FAM220A: variants seen among roughly 807,000 people sequenced by gnomAD.
The protein encoded by FAM220A is protein FAM220A.
For missense variants in FAM220A, 392 were observed against 321.6 expected (o/e 1.22, Z -1.68); for synonymous variants, 141 against 130.7 (o/e 1.08, Z -0.54).
rs917183822 is a variant in FAM220A at position 6,348,849 on chromosome 7, CGAA to C, written c.-361_-359del. On this transcript the variant is annotated 5_prime_UTR_variant, in exon 1 of 2. Transcript: ENST00000313324. ...ACCCTCGCCTGGCGTGCTCAGGGAGCGAAGGAGGCGGCGGCTAGACCGGCGGGC... is the reference window on the plus strand; with the variant it reads ...ACCCTCGCCTGGCGTGCTCAGGGAGCGGAGGCGGCGGCTAGACCGGCGGGC... 1.6e-4 allele frequency: 62 copies of C among 391,466 alleles called. No homozygotes were observed. The Admixed American group carries it at 2.0e-3, about 13-fold the overall frequency. 24.2% of individuals were successfully genotyped at this position (391,466 alleles called of 1,614,324 possible). A position where few individuals can be genotyped will look rare whatever the true frequency, so the allele number is the denominator to read the frequency against.
intron 1 of FAM220A, among the ~76,000 whole-genome samples, chr7:6,346,916 A>C (rs2115152803): frequency 6.6e-6 from 1 of 152,296 alleles, no homozygotes; most frequent in Admixed American, 6.5e-5. Flanking sequence ...AACTCCCCAA[A>C]GGAGGGTCCC....
chr7:6,336,654 A>G (rs973716946), intron 1 of FAM220A, among the ~76,000 whole-genome samples: 7 of 151,332 alleles, frequency 4.6e-5, no homozygotes, highest in Admixed American at 6.6e-5. Context: ...ACTGTACTCC[A>G]GCCTGAGAGA....
In FAM220A at chr7:6,330,971, A is replaced by G; in HGVS notation, c.184T>C (p.Ser62Pro). The stretch of plus-strand genomic sequence containing the variant: ...CTCGGATCCTTTCTCATTTCCAGTG[A>G]TAATGCCTCACTTTGTGAATTTCCA... Reference protein sequence around the residue: ...VDGNSQSEALSLEMRKDPSGA... With the variant: ...VDGNSQSEALPLEMRKDPSGA... The change falls in exon 2 of 2, where the codon TCA (serine) becomes CCA (proline). Residue 62 changes from serine to proline, a missense_variant. By Grantham distance (74) the Ser-to-Pro change is moderately conservative (BLOSUM62 -1). Coordinates refer to ENST00000313324, the MANE Select transcript of FAM220A (RefSeq NM_001037163.2). The G allele has an allele frequency of 6.2e-7, 1 of 1,614,234 alleles. No individual in the cohort carries two copies. The highest frequency in any genetic ancestry group is 8.5e-7 in the Non-Finnish European group (1 of 1,180,050).
intron 1 of FAM220A, among the ~76,000 whole-genome samples, chr7:6,336,800 G>A (rs1018145074): frequency 2.6e-5 from 4 of 151,580 alleles, no homozygotes; most frequent in African/African-American, 9.7e-5. Flanking sequence ...AACCACAGGT[G>A]TGTGCCACCA....
intron 1 of FAM220A, among the ~76,000 whole-genome samples, chr7:6,331,675 C>T (rs529854734): frequency 2.0e-5 from 3 of 151,808 alleles, no homozygotes; most frequent in African/African-American, 4.8e-5. Context: ...CCACCACGCC[C>T]GGCCTAGTGG....
chr7:6,343,595 G>A (rs776255440), intron 1 of FAM220A, among the ~76,000 whole-genome samples: 7 of 151,606 alleles, frequency 4.6e-5, no homozygotes, highest in Non-Finnish European at 8.8e-5. Context: ...CCATTTAACT[G>A]CCTTGTATTT....
intron 1 of FAM220A, among the ~76,000 whole-genome samples, chr7:6,337,402 G>A (rs112746896): frequency 0.03 from 4,565 of 152,156 alleles, 100 homozygotes; most frequent in Middle Eastern, 0.044. Flanking sequence ...GATTACAGGC[G>A]TGAGCCACTG....
At chr7:6,334,398 T>A (rs1247192055) in intron 1 of FAM220A, among the ~76,000 whole-genome samples, 1 of 151,614 alleles carries the variant, frequency 6.6e-6, no homozygotes, top group Admixed American at 6.6e-5. Context: ...TAGCTGGGCA[T>A]GGTGGAGCAT....
Position 6,331,121 on chromosome 7 carries a change from G to C in FAM220A, c.34C>G (p.Leu12Val). 2 of 1,613,252 alleles carry C rather than the reference G, an allele frequency of 1.2e-6. No homozygotes were observed. Among genetic ancestry groups the C allele is most frequent in the Non-Finnish European group, 1.7e-6 (2 of 1,179,958 alleles). Residue 12 changes from leucine (L) to valine (V), a missense_variant, in exon 2 of 2, where the codon CTG becomes GTG. Coordinates refer to ENST00000313324, the MANE Select transcript of FAM220A (RefSeq NM_001037163.2). ...RDRRGPLGTC[L>V]AQVQQAGGGD... ...CCTCCGGCCTGCTGCACTTGTGCCAGGCAGGTGCCGAGGGGCCCTCTTCTG... is the reference window on the plus strand; with the variant it reads ...CCTCCGGCCTGCTGCACTTGTGCCACGCAGGTGCCGAGGGGCCCTCTTCTG...
intron 1 of FAM220A, among the ~76,000 whole-genome samples, chr7:6,337,369 G>A (rs930890419): frequency 9.9e-5 from 15 of 151,502 alleles, no homozygotes; most frequent in East Asian, 2.0e-4. Flanking sequence ...TGATCTACCC[G>A]CCTCAGCCTC....
At chr7:6,343,056 G>C (rs150149493) in intron 1 of FAM220A, among the ~76,000 whole-genome samples, 1 of 114,108 alleles carries the variant, frequency 8.8e-6, no homozygotes, top group Non-Finnish European at 1.8e-5. Flanking sequence ...AAAGAAAAAA[G>C]AAAGAAAGAA....
At position 6,330,911 on chromosome 7, in the gene FAM220A, C is replaced by G; in HGVS notation, c.244G>C (p.Val82Leu). 1 of 1,614,216 alleles carries G rather than the reference C, an allele frequency of 6.2e-7. No homozygotes were observed. The highest frequency in any genetic ancestry group is 8.5e-7 in the Non-Finnish European group (1 of 1,180,048). The change falls in exon 2 of 2, where the codon GTG becomes CTG. Residue 82 changes from valine to leucine, a missense_variant. Physicochemically the swap from Val to Leu is conservative, Grantham distance 32 (BLOSUM62 1). Coordinates refer to ENST00000313324, the MANE Select transcript of FAM220A (RefSeq NM_001037163.2). ...ACTGATTCTCTCACATATGGAAGCACTGGGCCGCCACTGTGAAGCCAGAGG... is the reference window on the plus strand; with the variant it reads ...ACTGATTCTCTCACATATGGAAGCAGTGGGCCGCCACTGTGAAGCCAGAGG... Reference protein sequence around the residue: ...AGLWLHSGGPVLPYVRESVRR... With the variant: ...AGLWLHSGGPLLPYVRESVRR...
chr7:6,336,309 C>G (rs955273439), intron 1 of FAM220A, among the ~76,000 whole-genome samples: 1 of 152,038 alleles, frequency 6.6e-6, no homozygotes, highest in Non-Finnish European at 1.5e-5. Flanking sequence ...GATCACACCA[C>G]TATACTCCAG....
intron 1 of FAM220A, among the ~76,000 whole-genome samples, chr7:6,342,551 G>C (rs189130835): frequency 2.6e-5 from 4 of 151,926 alleles, no homozygotes; most frequent in African/African-American, 9.7e-5. Context: ...AAAAAAAAGT[G>C]ATCTTTTTGA....
chr7:6,343,467 T>C (rs1375893243), intron 1 of FAM220A, among the ~76,000 whole-genome samples: 1 of 143,078 alleles, frequency 7.0e-6, no homozygotes, highest in East Asian at 2.0e-4. Flanking sequence ...AAGAAACACT[T>C]CGTTCTTCCC....
At chr7:6,332,830 C>G (rs933841867) in intron 1 of FAM220A, among the ~76,000 whole-genome samples, 1 of 152,150 alleles carries the variant, frequency 6.6e-6, no homozygotes, top group Admixed American at 6.6e-5. Context: ...CTAGGAGACT[C>G]TTAATGCTAA....
chr7:6,332,800 G>A (rs907201252), intron 1 of FAM220A, among the ~76,000 whole-genome samples: 5 of 152,186 alleles, frequency 3.3e-5, no homozygotes, highest in African/African-American at 7.2e-5. Flanking sequence ...GGAAACTGCT[G>A]TTTCTCTAAT....
At chr7:6,345,859 C>G (rs1781942853) in intron 1 of FAM220A, among the ~76,000 whole-genome samples, 1 of 152,032 alleles carries the variant, frequency 6.6e-6, no homozygotes, top group Non-Finnish European at 1.5e-5. Context: ...ACCTCCATCT[C>G]CTGGGTTCAA....
At chr7:6,346,435 C>G (rs565915778) in intron 1 of FAM220A, among the ~76,000 whole-genome samples, 1 of 152,206 alleles carries the variant, frequency 6.6e-6, no homozygotes, top group African/African-American at 2.4e-5. Context: ...GGCACAATCT[C>G]GGCTCACTGC....
Sources: allele counts gnomAD v4.1 joint callset (sites outside exome capture counted in the v4.1 genomes callset), GRCh38; gene constraint gnomAD v4.1.1; transcripts MANE v1.5; gene names NCBI Gene and HGNC (gene_info 2026-07-23, HGNC 2026-07-21).